Variants in NR2E1 observed in about 807,000 individuals in gnomAD.
The protein encoded by NR2E1 is nuclear receptor subfamily 2 group E member 1.
NR2E1 carries 5 observed loss-of-function variants against 43.6 expected under a neutral mutation model. That is an observed-to-expected ratio of 0.11 (90% CI 0.06 to 0.24). The LOEUF (loss-of-function observed/expected upper bound fraction) is 0.24, where lower values mean the gene tolerates loss of function less well. Among genes scored for constraint, NR2E1 ranks in the 10% least tolerant of loss-of-function variants. The pLI is 1.00. For synonymous variants in NR2E1, 191 were observed against 195.5 expected (o/e 0.98, Z 0.19); for missense variants, 287 against 496.7 (o/e 0.58, Z 4.01).
At chr6:108,178,056 T>G in intron 4 of NR2E1, 39 bp from the exon 5 acceptor site, 1 of 1,611,896 alleles carries the variant, frequency 6.2e-7, no homozygotes, top group East Asian at 2.2e-5. Context: ...AAGCTGTGGT[T>G]TCCTCACTTC....
At chr6:108,176,813 T>A in intron 4 of NR2E1, 75 bp downstream of exon 4, 1 of 1,301,304 alleles carries the variant, frequency 7.7e-7, no homozygotes. Context: ...TTCTGAGCTG[T>A]GTGATTGGGG....
At chr6:108,171,866 C>A (rs968801850) in intron 2 of NR2E1, among the ~76,000 whole-genome samples, 4 of 152,118 alleles carry the variant, frequency 2.6e-5, no homozygotes, top group Non-Finnish European at 5.9e-5. Context: ...TATTATTATT[C>A]TGAAAGATTT....
At chr6:108,174,757 G>A in intron 2 of NR2E1, 79 bp from the exon 3 acceptor site, 8 of 1,292,174 alleles carry the variant, frequency 6.2e-6, no homozygotes, top group Non-Finnish European at 8.9e-6. Context: ...CCTCCACACC[G>A]TTTCCCCGCC....
chr6:108,168,992 C>T (rs1773760256), intron 1 of NR2E1: 1 of 152,274 alleles, frequency 6.6e-6, no homozygotes, highest in African/African-American at 2.4e-5. Context: ...CGAGGGGACC[C>T]CCTGGCGAGG....
At chr6:108,168,190 G>T (rs780289685) in intron 1 of NR2E1, 2 of 1,557,478 alleles carry the variant, frequency 1.3e-6, no homozygotes, top group South Asian at 2.4e-5. Context: ...TTTGTTGCCC[G>T]CATTCCCGGG....
intron 1 of NR2E1, chr6:108,168,215 C>G: frequency 6.6e-7 from 1 of 1,519,120 alleles, no homozygotes; most frequent in East Asian, 2.3e-5. Flanking sequence ...AGTGTCCTTC[C>G]CAGGAGGCTC....
At chr6:108,186,904 A>T (rs1198363171) in intron 8 of NR2E1, among the ~76,000 whole-genome samples, 1 of 152,216 alleles carries the variant, frequency 6.6e-6, no homozygotes, top group Non-Finnish European at 1.5e-5. Context: ...AGCCTTGAGG[A>T]GTCCTTAGAA....
rs772305823 is a variant in NR2E1, at chr6:108,180,897, A to C, written c.830A>C (p.Gln277Pro). Residue 277 changes from glutamine (Q) to proline (P), a missense_variant, in exon 7 of 9, where the codon CAA (glutamine) becomes CCA (proline). By Grantham distance (76) the Gln-to-Pro change is moderately conservative. Coordinates refer to ENST00000368986, the MANE Select transcript of NR2E1 (RefSeq NM_003269.5). The surrounding 1 kb of genome is among the most constrained non-coding windows in gnomAD (Gnocchi z 5.4). ...CAAGAGGTGGTGGCTCGATTTAGAC[A>C]ACTCCGGTTAGATGCTACTGAATTT... is the stretch of plus-strand genomic sequence containing the variant. ...ALQEVVARFR[Q>P]LRLDATEFAC... The C allele has an allele frequency of 6.2e-7, 1 of 1,614,138 alleles. No homozygotes were observed. Among genetic ancestry groups the C allele is most frequent in the Non-Finnish European group, 8.5e-7 (1 of 1,180,014 alleles).
intron 8 of NR2E1, among the ~76,000 whole-genome samples, chr6:108,183,673 A>G (rs868548724): frequency 2.2e-4 from 33 of 152,276 alleles, no homozygotes; most frequent in Middle Eastern, 6.8e-3. Context: ...GAGTCTCTCT[A>G]TTTCTATCGT....
chr6:108,171,036 C>T (rs1361145913), intron 1 of NR2E1, among the ~76,000 whole-genome samples: 1 of 152,172 alleles, frequency 6.6e-6, no homozygotes, highest in South Asian at 2.1e-4. Context: ...TTCTTCTTTT[C>T]CCTTTTACAT....
intron 4 of NR2E1, 88 bp from the exon 5 acceptor site, chr6:108,178,007 T>C (rs1021765722): frequency 1.4e-6 from 2 of 1,426,796 alleles, no homozygotes; most frequent in African/African-American, 2.8e-5. Flanking sequence ...ATCCCCTTCC[T>C]TGCTTTAATT....
chr6:108,171,387 T>C (rs1026528118), intron 1 of NR2E1, 71 bp from the exon 2 acceptor site: 4 of 1,534,140 alleles, frequency 2.6e-6, no homozygotes, highest in African/African-American at 2.7e-5. Flanking sequence ...CCTCTCCCCT[T>C]TTCTCCCTCT....
At chr6:108,174,700 CAGGCCCAGGCTCG>C in intron 2 of NR2E1, 123 bp from the exon 3 acceptor site, 2 of 700,786 alleles carry the variant, frequency 2.9e-6, no homozygotes, top group South Asian at 3.2e-5. Flanking sequence ...TCGCGTTTTG[CAGGCCCAGGCTCG>C]GGGCTCCAGG....
intron 1 of NR2E1, chr6:108,168,779 G>A (rs1001412170): frequency 5.9e-5 from 9 of 152,278 alleles, no homozygotes; most frequent in African/African-American, 1.9e-4. Flanking sequence ...GGGTCGAGCA[G>A]ACAGAGCTGC....
chr6:108,172,149 C>G (rs1030248245), intron 2 of NR2E1, among the ~76,000 whole-genome samples: 1 of 152,188 alleles, frequency 6.6e-6, no homozygotes, highest in East Asian at 1.9e-4. Context: ...AGAGGCCGTG[C>G]TTTCTGAAGG....
At chr6:108,171,368 C>A (rs1018059126) in intron 1 of NR2E1, 90 bp from the exon 2 acceptor site, 4 of 1,140,756 alleles carry the variant, frequency 3.5e-6, no homozygotes, top group Non-Finnish European at 5.2e-6. Flanking sequence ...TGCTTAGCAT[C>A]TCTCTCTCCC....
In NR2E1 at chr6:108,180,747, C is replaced by A; in HGVS notation, c.740-60C>A. The A allele has an allele frequency of 6.5e-7, 1 of 1,532,410 alleles. No individual in the cohort carries two copies. The highest frequency in any genetic ancestry group is 9.0e-7 in the Non-Finnish European group (1 of 1,106,896). 94.9% of individuals were successfully genotyped at this position (1,532,410 alleles called of 1,614,324 possible). ...TGATATGCAGGATTTTGTCAAAAAT[C>A]AATATTAAATCATGAAAATGCCTTC... On this transcript the variant is annotated intron_variant, in intron 6 of 8. Transcript: ENST00000368986. The surrounding 1 kb of genome is among the most constrained non-coding windows in gnomAD (Gnocchi z 5.4).
chr6:108,173,807 T>A (rs541148357), intron 2 of NR2E1, among the ~76,000 whole-genome samples: 1 of 152,388 alleles, frequency 6.6e-6, no homozygotes, highest in African/African-American at 2.4e-5. Flanking sequence ...TCTATGCATA[T>A]GTCCCCTCGG....
At chr6:108,167,991 A>G in intron 1 of NR2E1, 1 of 1,560,122 alleles carries the variant, frequency 6.4e-7, no homozygotes. Flanking sequence ...TTAAAAAATT[A>G]GAGCAAAATG....
Sources: allele counts gnomAD v4.1 joint callset (sites outside exome capture counted in the v4.1 genomes callset), GRCh38; gene constraint gnomAD v4.1.1; non-coding constraint Gnocchi (gnomAD v3.1); transcripts MANE v1.5; gene names NCBI Gene and HGNC (gene_info 2026-07-23, HGNC 2026-07-21).